Variants in CRK observed in about 807,000 individuals in gnomAD.
The protein encoded by CRK is adapter molecule crk.
Under a neutral mutation model 29.8 loss-of-function variants are expected in CRK, and 4 were observed. The observed-to-expected ratio is 0.13, with a 90% CI of 0.07 to 0.31. CRK has a LOEUF of 0.31. Ranked by LOEUF, CRK falls within the 10% of genes least tolerant of loss-of-function variation. The probability of loss-of-function intolerance (pLI) is 1.00; values close to 1 mark genes in which losing one functional copy is unlikely to be tolerated. For missense variants in CRK, 274 were observed against 396.5 expected (o/e 0.69, Z 2.62); for synonymous variants, 153 against 164.9 (o/e 0.93, Z 0.55).
intron 1 of CRK, among the ~76,000 whole-genome samples, chr17:1,450,507 G>T (rs1411662715): frequency 1.5e-5 from 2 of 133,522 alleles, no homozygotes; most frequent in African/African-American, 2.6e-5. Context: ...GCGAGATTCT[G>T]TCTCAAAAAA....
At position 1,456,124 on chromosome 17, in the gene CRK, C is replaced by T. The variant is rs2074055285; in HGVS notation, c.-7G>A. On this transcript the variant is annotated 5_prime_UTR_variant, in exon 1 of 3. Coordinates refer to ENST00000300574, the MANE Select transcript of CRK (RefSeq NM_016823.4). Reference sequence around the variant, plus strand: ...AGTCGAAGTTGCCCGCCATGGCTGCCTCCGCGCCTAAACGCTGGGGTGCCG... The same window carrying T: ...AGTCGAAGTTGCCCGCCATGGCTGCTTCCGCGCCTAAACGCTGGGGTGCCG... 6.5e-7 allele frequency: 1 copy of T among 1,528,392 alleles called. No homozygotes were observed. The highest frequency in any genetic ancestry group is 1.2e-5 in the South Asian group (1 of 82,278). 94.7% of individuals were successfully genotyped at this position (1,528,392 alleles called of 1,614,324 possible).
chr17:1,430,541 T>A (rs2073832890), intron 2 of CRK, among the ~76,000 whole-genome samples: 1 of 146,900 alleles, frequency 6.8e-6, no homozygotes, highest in Admixed American at 6.7e-5. Context: ...TATTTTTTTT[T>A]TTTTTAGTAG....
chr17:1,428,769 A>C (rs2073807046), intron 2 of CRK, among the ~76,000 whole-genome samples: 1 of 149,400 alleles, frequency 6.7e-6, no homozygotes, highest in Non-Finnish European at 1.5e-5. Flanking sequence ...TGATCTGCTC[A>C]CCTCAGCCTC....
chr17:1,436,830 C>T lies in CRK; in HGVS notation c.567G>A (p.Lys189=). ...ATACTGAGGCGGAGGCAGGTCTATA[C>T]TTCTCGACGTAAGGGACTGGAATCA... ...RGMIPVPYVE[K]YRPASASVSA... Residue 189 remains lysine, a synonymous_variant, in exon 2 of 3, where the codon AAG becomes AAA. Transcript: ENST00000300574. The T allele has an allele frequency of 2.5e-6, 4 of 1,593,568 alleles. No homozygotes were observed. Among genetic ancestry groups the T allele is most frequent in the Non-Finnish European group, 3.4e-6 (4 of 1,169,550 alleles).
intron 1 of CRK, among the ~76,000 whole-genome samples, chr17:1,450,549 C>T (rs979782339): frequency 6.6e-6 from 1 of 151,746 alleles, no homozygotes; most frequent in Admixed American, 6.6e-5. Context: ...GACACCTAAG[C>T]CATTCCATAT....
At position 1,455,989 on chromosome 17, in the gene CRK, G is replaced by A. The variant is rs777134593; in HGVS notation, c.129C>T (p.Ser43=). Residue 43 remains serine, a synonymous_variant, in exon 1 of 3, where the codon AGC becomes AGT. Coordinates refer to ENST00000300574, the MANE Select transcript of CRK (RefSeq NM_016823.4). ...AGACGCTGAGCACATAGTCCCCGGG[G>A]CTGGTGCTCGAGTCCCGCACCAGGA... ...GVFLVRDSST[S]PGDYVLSVSE... is the part of the protein sequence containing the mutation. The A allele has an allele frequency of 1.9e-6, 3 of 1,601,292 alleles. No individual in the cohort carries two copies. Among genetic ancestry groups the A allele is most frequent in the Non-Finnish European group, 2.6e-6 (3 of 1,175,420 alleles).
At chr17:1,436,106 A>G (rs2073884323) in intron 2 of CRK, among the ~76,000 whole-genome samples, 1 of 152,168 alleles carries the variant, frequency 6.6e-6, no homozygotes, top group Non-Finnish European at 1.5e-5. Flanking sequence ...CTGGGTGTGC[A>G]TCTCTTCAAA....
chr17:1,438,031 TCAG>T (rs1325511393), intron 1 of CRK, among the ~76,000 whole-genome samples: 1 of 152,068 alleles, frequency 6.6e-6, no homozygotes, highest in Non-Finnish European at 1.5e-5. Flanking sequence ...CTGCTGCTGT[TCAG>T]AAGGTGGAGA....
rs148593911 is a variant in CRK at position 1,431,006 on chromosome 17, C to T, written c.777+5614G>A. Among the ~76,000 whole-genome samples the T allele has an allele frequency of 4.2e-3, 637 of 151,908 alleles. 7 individuals are homozygous for T. Among genetic ancestry groups the T allele is most frequent in the African/African-American group, 0.013 (526 of 41,500 alleles). ...TAGCGTGAACCCTGGAGGCGGAGCTCGCAGTGAGCCGAGATCACGCACTGC... is the reference window on the plus strand; with the variant it reads ...TAGCGTGAACCCTGGAGGCGGAGCTTGCAGTGAGCCGAGATCACGCACTGC... On this transcript the variant is annotated intron_variant, in intron 2 of 2. Coordinates refer to ENST00000300574, the MANE Select transcript of CRK (RefSeq NM_016823.4).
chr17:1,427,872 AC>A (rs949432201), intron 2 of CRK, among the ~76,000 whole-genome samples: 2 of 151,544 alleles, frequency 1.3e-5, no homozygotes, highest in Admixed American at 1.3e-4. Context: ...TGACCTCATG[AC>A]CCGCCCACCT....
At position 1,451,192 on chromosome 17, in the gene CRK, C is replaced by CAAAAAAAAAA. The variant is rs10691537; in HGVS notation, c.241+4675_241+4684dup. Among the ~76,000 whole-genome samples, 142 of 66,962 alleles carry CAAAAAAAAAA rather than the reference C, an allele frequency of 2.1e-3. 3 individuals carry two copies. The highest frequency in any genetic ancestry group is 8.0e-3 in the African/African-American group (130 of 16,156). The allele number at this position is 66,962 out of a possible 152,430, so 43.9% of individuals were successfully genotyped here. On this transcript the variant is annotated intron_variant, in intron 1 of 2. Coordinates refer to ENST00000300574, the MANE Select transcript of CRK (RefSeq NM_016823.4). ...TCGGTGACAGAGCGAGAAACTGTCT[C>CAAAAAAAAAA]AAAAAAAAAAAAAAAAAAAGCAATA...
chr17:1,453,929 G>A (rs919025499), intron 1 of CRK, among the ~76,000 whole-genome samples: 4 of 151,830 alleles, frequency 2.6e-5, no homozygotes, highest in Admixed American at 6.6e-5. Context: ...AGCTGGGTGC[G>A]GTGGCCCACG....
intron 2 of CRK, among the ~76,000 whole-genome samples, chr17:1,428,090 A>G (rs8069990): frequency 0.75 from 113,274 of 150,904 alleles, 43,123 homozygotes; most frequent in African/African-American, 0.88. Context: ...AAAACCTGCT[A>G]ATGTGCCTCC....
chr17:1,452,982 C>T (rs2074030217), intron 1 of CRK, among the ~76,000 whole-genome samples: 2 of 152,084 alleles, frequency 1.3e-5, no homozygotes. Flanking sequence ...GGTGGATACG[C>T]CTGGAGTCCC....
rs1022105711 is a variant in CRK, at chr17:1,423,340, A to G, written c.*173T>C. The G allele has an allele frequency of 2.5e-5, 20 of 816,138 alleles. No individual in the cohort carries two copies. The African/African-American group carries it at 3.5e-4, about 14-fold the overall frequency. 50.6% of individuals were successfully genotyped at this position (816,138 alleles called of 1,614,324 possible). ...ACAAGCCCTCCAGTTCGTACCCTGA[A>G]TATGGTAATTAAGACTAGGAATGGA... On this transcript the variant is annotated 3_prime_UTR_variant, in exon 3 of 3. Transcript: ENST00000300574.
intron 2 of CRK, among the ~76,000 whole-genome samples, chr17:1,426,648 G>T (rs1036444940): frequency 6.6e-6 from 1 of 152,080 alleles, no homozygotes; most frequent in Non-Finnish European, 1.5e-5. Context: ...AGTGAATCAC[G>T]ACGTCAGGAG....
intron 1 of CRK, among the ~76,000 whole-genome samples, chr17:1,444,849 A>G (rs1022205752): frequency 1.3e-5 from 2 of 150,456 alleles, no homozygotes; most frequent in African/African-American, 4.9e-5. Context: ...AAAAAAAAAA[A>G]AAAAAGAATG....
chr17:1,444,399 C>T (rs1380633923), intron 1 of CRK, among the ~76,000 whole-genome samples: 3 of 152,254 alleles, frequency 2.0e-5, no homozygotes, highest in Admixed American at 1.3e-4. Context: ...CAGGGTGGTG[C>T]GCGCCTTTAG....
intron 2 of CRK, among the ~76,000 whole-genome samples, chr17:1,434,601 G>A (rs1037382699): frequency 3.9e-5 from 6 of 152,010 alleles, no homozygotes; most frequent in African/African-American, 1.2e-4. Context: ...TGGCCAACAA[G>A]GTGAAACCCT....
Sources: gnomAD v4.1 joint callset for allele counts (sites outside exome capture counted in the v4.1 genomes callset) on GRCh38, gnomAD v4.1.1 for gene constraint, MANE v1.5 for transcripts, NCBI Gene and HGNC (gene_info 2026-07-23, HGNC 2026-07-21) for gene names.